DLGAP2: variants seen among roughly 807,000 people sequenced by gnomAD.
DLGAP2 encodes disks large-associated protein 2.
A neutral mutation model predicts 100.3 loss-of-function variants in DLGAP2; 26 were observed. The observed-to-expected ratio is 0.26, with a 90% CI of 0.19 to 0.36. The LOEUF is 0.36. DLGAP2 is among the 10% of genes least tolerant of loss of function. The pLI is 1.00. For missense variants in DLGAP2, 1,858 were observed against 1,453.2 expected (o/e 1.28, Z -4.53); for synonymous variants, 886 against 630.1 (o/e 1.41, Z -6.08).
chr8:1,434,357 G>A lies in DLGAP2; in HGVS notation c.107-67009G>A, dbSNP rs987448886. On this transcript the variant is annotated intron_variant, in intron 3 of 14. Transcript: ENST00000637795. ...AGAGCCATGTGGGAAGTAGCCTCACGTGCAGACAGCAAGCACTCCACCTGC... is the reference window on the plus strand; with the variant it reads ...AGAGCCATGTGGGAAGTAGCCTCACATGCAGACAGCAAGCACTCCACCTGC... 5.3e-5 allele frequency among the ~76,000 whole-genome samples: 8 copies of A among 152,266 alleles called. No individual in the cohort carries two copies. The South Asian group carries it at 1.2e-3, about 24-fold the overall frequency.
At chr8:756,208 G>T (rs1002416541) in intron 1 of DLGAP2, among the ~76,000 whole-genome samples, 1 of 152,160 alleles carries the variant, frequency 6.6e-6, no homozygotes, top group East Asian at 1.9e-4. Context: ...TGGCGTCTGG[G>T]GGGGATACTG....
chr8:760,959 G>T (rs572172244), intron 1 of DLGAP2, among the ~76,000 whole-genome samples: 2 of 152,158 alleles, frequency 1.3e-5, no homozygotes, highest in East Asian at 1.9e-4. Flanking sequence ...CCAATTTTGC[G>T]AGTGGGTGGT....
intron 3 of DLGAP2, among the ~76,000 whole-genome samples, chr8:1,421,865 C>G (rs939802249): frequency 1.3e-5 from 2 of 151,942 alleles, no homozygotes; most frequent in Admixed American, 1.3e-4. Context: ...TCAAGAGGCT[C>G]TGAGGCAGGA....
chr8:1,314,800 T>A (rs1427987779), intron 3 of DLGAP2, among the ~76,000 whole-genome samples: 1 of 152,248 alleles, frequency 6.6e-6, no homozygotes, highest in Admixed American at 6.5e-5. Flanking sequence ...GTTTCACTTG[T>A]TCATTATGAA....
chr8:1,410,071 G>C (rs1033119756), intron 3 of DLGAP2, among the ~76,000 whole-genome samples: 1 of 152,118 alleles, frequency 6.6e-6, no homozygotes, highest in African/African-American at 2.4e-5. Context: ...AATGGTGTCA[G>C]GTCCACAAGC....
At chr8:1,047,479 T>A (rs1384890744) in intron 2 of DLGAP2, among the ~76,000 whole-genome samples, 1 of 152,236 alleles carries the variant, frequency 6.6e-6, no homozygotes, top group Non-Finnish European at 1.5e-5. Flanking sequence ...CAAAATAATA[T>A]ACTTTTCCCA....
At chr8:1,004,652 A>C (rs1171871292) in intron 2 of DLGAP2, among the ~76,000 whole-genome samples, 1 of 152,098 alleles carries the variant, frequency 6.6e-6, no homozygotes, top group Non-Finnish European at 1.5e-5. Flanking sequence ...CACAGCTTAG[A>C]AGTGGTTACC....
chr8:1,182,290 G>A (rs993047542), intron 2 of DLGAP2, among the ~76,000 whole-genome samples: 1 of 152,274 alleles, frequency 6.6e-6, no homozygotes, highest in African/African-American at 2.4e-5. Context: ...GGGCAAAGCT[G>A]TGTTCACCTG....
In DLGAP2 at chr8:1,383,993, G is replaced by T. The variant is rs117503464; in HGVS notation, c.107-117373G>T. On this transcript the variant is annotated intron_variant, in intron 3 of 14. Transcript: ENST00000637795. ...ATGCATGTCTGGGGTTTTGGTGTCTGTACTTAGTGATAAAATATGTGACCC... is the reference window on the plus strand; with the variant it reads ...ATGCATGTCTGGGGTTTTGGTGTCTTTACTTAGTGATAAAATATGTGACCC... Among the ~76,000 whole-genome samples the T allele has an allele frequency of 2.9e-4, 44 of 152,336 alleles. No homozygotes were observed. The East Asian group carries it at 8.3e-3, about 29-fold the overall frequency.
At chr8:1,042,411 C>G (rs1802379613) in intron 2 of DLGAP2, among the ~76,000 whole-genome samples, 2 of 152,220 alleles carry the variant, frequency 1.3e-5, no homozygotes, top group African/African-American at 4.8e-5. Flanking sequence ...GATTTAACAT[C>G]TGACCTTGAA....
intron 2 of DLGAP2, among the ~76,000 whole-genome samples, chr8:969,155 G>C (rs1025740476): frequency 2.0e-5 from 3 of 152,108 alleles, no homozygotes. Flanking sequence ...ATGGGCTCAC[G>C]CAATCCCCTC....
At chr8:903,082 C>T (rs1798296119) in intron 1 of DLGAP2, among the ~76,000 whole-genome samples, 1 of 151,564 alleles carries the variant, frequency 6.6e-6, no homozygotes, top group Non-Finnish European at 1.5e-5. Context: ...TGTTGTGGCG[C>T]AGCAGGCAAG....
chr8:934,575 G>A (rs1276127681), intron 2 of DLGAP2, among the ~76,000 whole-genome samples: 1 of 152,178 alleles, frequency 6.6e-6, no homozygotes, highest in Non-Finnish European at 1.5e-5. Context: ...GAGAGGAAGC[G>A]AGTGCTCACT....
intron 3 of DLGAP2, among the ~76,000 whole-genome samples, chr8:1,325,820 G>A (rs1436155645): frequency 1.3e-5 from 2 of 152,120 alleles, no homozygotes; most frequent in Non-Finnish European, 2.9e-5. Context: ...AGCTCCTTTT[G>A]GATCGTTTTT....
chr8:804,812 C>A (rs941466154), intron 1 of DLGAP2, among the ~76,000 whole-genome samples: 41 of 152,182 alleles, frequency 2.7e-4, no homozygotes, highest in African/African-American at 9.9e-4. Flanking sequence ...GTCACCCAGG[C>A]TCGAGTGCAG....
intron 2 of DLGAP2, among the ~76,000 whole-genome samples, chr8:1,163,060 G>A (rs1182779469): frequency 6.6e-6 from 1 of 152,196 alleles, no homozygotes; most frequent in Non-Finnish European, 1.5e-5. Flanking sequence ...GAGTGTGAAC[G>A]TGGAGTCCTC....
At position 1,316,974 on chromosome 8, in the gene DLGAP2, A is replaced by C. The variant is rs12548689; in HGVS notation, c.106+58091A>C. Among the ~76,000 whole-genome samples the C allele has an allele frequency of 1.2e-4, 5 of 42,124 alleles. No homozygotes were observed. The South Asian group carries it at 3.9e-3, about 33-fold the overall frequency. 27.6% of individuals were successfully genotyped at this position (42,124 alleles called of 152,430 possible). A position where few individuals can be genotyped will look rare whatever the true frequency, so the allele number is the denominator to read the frequency against. On this transcript the variant is annotated intron_variant, in intron 3 of 14. Transcript: ENST00000637795. ...CAGCGTTTAAAAATAGAGCGTGTGC[A>C]AGTGCAGCATCTCTCCAACAGTGGT... is the stretch of plus-strand genomic sequence containing the variant.
At chr8:900,162 G>A (rs1332151126) in intron 1 of DLGAP2, among the ~76,000 whole-genome samples, 4 of 150,872 alleles carry the variant, frequency 2.7e-5, no homozygotes, top group Non-Finnish European at 5.9e-5. Flanking sequence ...TCTTCACGGC[G>A]TCGCTCCCGG....
chr8:1,433,205 G>A (rs1004666685), intron 3 of DLGAP2, among the ~76,000 whole-genome samples: 1 of 152,194 alleles, frequency 6.6e-6, no homozygotes, highest in African/African-American at 2.4e-5. Context: ...ACTCTTGAAG[G>A]AGCTTACCTT....
Sources: gnomAD v4.1 joint callset for allele counts (sites outside exome capture counted in the v4.1 genomes callset) on GRCh38, gnomAD v4.1.1 for gene constraint, MANE v1.5 for transcripts, NCBI Gene and HGNC (gene_info 2026-07-23, HGNC 2026-07-21) for gene names.